CNKSR2: variants seen among roughly 807,000 people sequenced by gnomAD.
CNKSR2 encodes the protein connector enhancer of kinase suppressor of Ras 2.
CNKSR2 carries 14 observed loss-of-function variants against 84.4 expected under a neutral mutation model. The observed-to-expected ratio is 0.17, with a 90% CI of 0.11 to 0.26. The LOEUF is 0.26. Among genes scored for constraint, CNKSR2 ranks in the 10% least tolerant of loss-of-function variants. The pLI, the probability that CNKSR2 is intolerant of heterozygous loss-of-function variation, is 1.00. For synonymous variants in CNKSR2, 275 were observed against 277.9 expected (o/e 0.99, Z 0.10); for missense variants, 485 against 771.2 (o/e 0.63, Z 4.40).
intron 8 of CNKSR2, among the ~76,000 whole-genome samples, chrX:21,514,506 GT>G (rs774725206): frequency 4.5e-5 from 5 of 111,699 alleles, no homozygotes; most frequent in African/African-American, 1.6e-4. Flanking sequence ...TTTTGGAATT[GT>G]TACTTAAAAA....
At chrX:21,461,458 G>A (rs1205082905) in intron 4 of CNKSR2, among the ~76,000 whole-genome samples, 2 of 111,509 alleles carry the variant, frequency 1.8e-5, no homozygotes, top group Non-Finnish European at 3.8e-5. Context: ...TGGGTAGTTT[G>A]CAAATATTTT....
intron 1 of CNKSR2, among the ~76,000 whole-genome samples, chrX:21,391,868 C>T (rs778867491): frequency 3.4e-4 from 38 of 111,855 alleles, no homozygotes; most frequent in Admixed American, 1.5e-3. Flanking sequence ...TCTCTTTGGT[C>T]ATGCATATGA....
At chrX:21,563,664 T>A (rs1489910471) in intron 13 of CNKSR2, among the ~76,000 whole-genome samples, 1 of 111,791 alleles carries the variant, frequency 8.9e-6, no homozygotes, top group Non-Finnish European at 1.9e-5. Flanking sequence ...CAAGTTGGAT[T>A]TTAATGGGAT....
rs191729541 is a variant in CNKSR2 at position 21,617,365 on chromosome X, G to A, written c.2692+7748G>A. Among the ~76,000 whole-genome samples, 3 of 111,234 alleles carry A rather than the reference G, an allele frequency of 2.7e-5. No individual in the cohort carries two copies. In the Admixed American group the frequency reaches 2.9e-4, roughly 11 times the overall value. On this transcript the variant is annotated intron_variant, in intron 20 of 21. Coordinates refer to ENST00000379510, the MANE Select transcript of CNKSR2 (RefSeq NM_014927.5). ...TCAGCATAAACAATTTACCTCCTATGGTTGGTTACCAACTACCAGAAGATG... is the reference window on the plus strand; with the variant it reads ...TCAGCATAAACAATTTACCTCCTATAGTTGGTTACCAACTACCAGAAGATG...
At chrX:21,602,494 G>C (rs1415572241) in intron 18 of CNKSR2, among the ~76,000 whole-genome samples, 1 of 111,688 alleles carries the variant, frequency 9.0e-6, no homozygotes, top group East Asian at 2.8e-4. Context: ...GAAAACTAAA[G>C]TTTTTAAAGA....
rs2092504798 is a variant in CNKSR2, at chrX:21,604,496, C to T, written c.2045-2283C>T. Among the ~76,000 whole-genome samples the T allele has an allele frequency of 4.5e-5, 5 of 111,181 alleles. No individual in the cohort carries two copies. In the South Asian group the frequency reaches 1.9e-3, roughly 42 times the overall value. On this transcript the variant is annotated intron_variant, in intron 18 of 21. Coordinates refer to ENST00000379510, the MANE Select transcript of CNKSR2 (RefSeq NM_014927.5). ...ATATATATATAAAAAACAAGAATTC[C>T]ATCAAATAGTGGGACTAAAATTCTT... is the stretch of plus-strand genomic sequence containing the variant.
At chrX:21,385,010 C>A (rs1475956041) in intron 1 of CNKSR2, among the ~76,000 whole-genome samples, 1 of 111,850 alleles carries the variant, frequency 8.9e-6, no homozygotes, top group Non-Finnish European at 1.9e-5. Context: ...GTCAACTTTT[C>A]TCCTACTGGA....
Position 21,374,550 on chromosome X carries a change from G to A in CNKSR2, c.-348G>A, listed in dbSNP as rs1311653359. ...GCGACCCCTCAGCAACTCAAGCTATGAACTGAAGCTCCCTAGGGACGGAGA... is the reference window on the plus strand; with the variant it reads ...GCGACCCCTCAGCAACTCAAGCTATAAACTGAAGCTCCCTAGGGACGGAGA... On this transcript the variant is annotated 5_prime_UTR_variant, in exon 1 of 22. It removes an upstream start codon present in the reference 5' UTR. Coordinates refer to ENST00000379510, the MANE Select transcript of CNKSR2 (RefSeq NM_014927.5). The A allele has an allele frequency of 6.5e-6, 3 of 463,134 alleles. No individual in the cohort carries two copies. The East Asian group carries it at 1.4e-4, about 21-fold the overall frequency. 38.2% of individuals were successfully genotyped at this position (463,134 alleles called of 1,213,427 possible). A position where few individuals can be genotyped will look rare whatever the true frequency, so the allele number is the denominator to read the frequency against.
intron 15 of CNKSR2, chrX:21,594,126 G>C (rs1453683088): frequency 8.9e-6 from 1 of 112,279 alleles, no homozygotes; most frequent in Non-Finnish European, 1.9e-5. Context: ...ATACACCATG[G>C]AATACTACGC....
At chrX:21,623,977 A>G (rs755876756) in intron 20 of CNKSR2, among the ~76,000 whole-genome samples, 157 of 111,820 alleles carry the variant, frequency 1.4e-3, no homozygotes, top group Non-Finnish European at 2.3e-3. Flanking sequence ...AATTACACAA[A>G]TGATTCACTG....
intron 4 of CNKSR2, among the ~76,000 whole-genome samples, chrX:21,453,613 G>C (rs958156011): frequency 8.9e-6 from 1 of 111,794 alleles, no homozygotes; most frequent in Admixed American, 9.5e-5. Context: ...CTCAGCCATA[G>C]GACCTTTTAA....
At chrX:21,616,245 A>G (rs930261580) in intron 20 of CNKSR2, among the ~76,000 whole-genome samples, 1 of 110,962 alleles carries the variant, frequency 9.0e-6, no homozygotes, top group Non-Finnish European at 1.9e-5. Flanking sequence ...TTTATTTTCC[A>G]TCCCTACTAC....
At chrX:21,431,802 C>T (rs895081538) in intron 2 of CNKSR2, among the ~76,000 whole-genome samples, 13 of 111,338 alleles carry the variant, frequency 1.2e-4, no homozygotes, top group African/African-American at 3.9e-4. Flanking sequence ...TCATATAACC[C>T]GTTTCTGCTA....
At chrX:21,493,188 T>C (rs1484696806) in intron 6 of CNKSR2, 1 of 112,361 alleles carries the variant, frequency 8.9e-6, no homozygotes, top group Non-Finnish European at 1.9e-5. Flanking sequence ...ACCTTAGTTA[T>C]GATTGAACCA....
chrX:21,546,699 A>G (rs1002758745), intron 11 of CNKSR2, among the ~76,000 whole-genome samples: 4 of 111,902 alleles, frequency 3.6e-5, no homozygotes, highest in Non-Finnish European at 7.5e-5. Flanking sequence ...GTTACCCACA[A>G]AGGAAAGCCA....
At chrX:21,487,102 G>C (rs1372467429) in intron 5 of CNKSR2, among the ~76,000 whole-genome samples, 1 of 111,908 alleles carries the variant, frequency 8.9e-6, no homozygotes, top group Non-Finnish European at 1.9e-5. Context: ...CCTTTAATCT[G>C]TTAACTCCTG....
At chrX:21,577,847 C>T (rs1306982947) in intron 13 of CNKSR2, among the ~76,000 whole-genome samples, 1 of 110,852 alleles carries the variant, frequency 9.0e-6, no homozygotes, top group African/African-American at 3.3e-5. Context: ...GCACTCTCAG[C>T]CTCCACAAAA....
In CNKSR2 at chrX:21,606,765, CTG is replaced by C. The variant is rs1378213621; in HGVS notation, c.2045-11_2045-10del. The C allele has an allele frequency of 2.9e-6, 3 of 1,048,965 alleles. No homozygotes were observed. Among genetic ancestry groups the C allele is most frequent in the African/African-American group, 3.7e-5 (2 of 53,839 alleles). The allele number at this position is 1,048,965 out of a possible 1,213,427, so 86.4% of individuals were successfully genotyped here. On this transcript the variant is annotated splice_polypyrimidine_tract_variant and intron_variant, in intron 18 of 21. Coordinates refer to ENST00000379510, the MANE Select transcript of CNKSR2 (RefSeq NM_014927.5). ...TAGTAGAATGTTGACGTATCCATGT[CTG>C]TGAATTTTCAGATTACTGGAGTGAG...
intron 4 of CNKSR2, among the ~76,000 whole-genome samples, chrX:21,461,895 T>C (rs779938323): frequency 1.8e-5 from 2 of 111,998 alleles, no homozygotes; most frequent in East Asian, 5.6e-4. Context: ...TACTGGACTC[T>C]GTGTCTGTTT....
Sources: gnomAD v4.1 joint callset for allele counts (sites outside exome capture counted in the v4.1 genomes callset) on GRCh38, gnomAD v4.1.1 for gene constraint, MANE v1.5 for transcripts, NCBI Gene and HGNC (gene_info 2026-07-23, HGNC 2026-07-21) for gene names.